Variants in KCNT2 observed in about 807,000 individuals in gnomAD.
KCNT2 encodes the protein potassium sodium-activated channel subfamily T member 2.
Under a neutral mutation model 153.8 loss-of-function variants are expected in KCNT2, and 67 were observed. The ratio of observed to expected loss-of-function variants is 0.44; its 90% CI spans 0.36 to 0.53. The LOEUF (loss-of-function observed/expected upper bound fraction) is 0.53. KCNT2 is among the 20% of genes least tolerant of loss of function. The probability of loss-of-function intolerance (pLI) is 0.00; values close to 1 mark genes in which losing one functional copy is unlikely to be tolerated. For missense variants in KCNT2, 975 were observed against 1,354.8 expected (o/e 0.72, Z 4.40); for synonymous variants, 500 against 458.8 (o/e 1.09, Z -1.15).
intron 13 of KCNT2, among the ~76,000 whole-genome samples, chr1:196,390,928 G>C (rs572067762): frequency 2.8e-5 from 4 of 142,542 alleles, no homozygotes; most frequent in Non-Finnish European, 6.1e-5. Flanking sequence ...CATATGTTAG[G>C]AGACTCTTTT....
At chr1:196,278,967 C>T (rs946055813) in intron 25 of KCNT2, among the ~76,000 whole-genome samples, 4 of 152,158 alleles carry the variant, frequency 2.6e-5, no homozygotes, top group African/African-American at 9.7e-5. Context: ...CCTTCCCTTT[C>T]CACCAGATGA....
chr1:196,361,888 A>C (rs1417702308), intron 14 of KCNT2, among the ~76,000 whole-genome samples: 1 of 142,856 alleles, frequency 7.0e-6, no homozygotes, highest in Non-Finnish European at 1.5e-5. Context: ...TTAAGACTTT[A>C]AATTGTGTGT....
intron 26 of KCNT2, among the ~76,000 whole-genome samples, chr1:196,242,216 T>TAAAC (rs1655024156): frequency 6.6e-6 from 1 of 152,118 alleles, no homozygotes; most frequent in Non-Finnish European, 1.5e-5. Context: ...AGGAACATAG[T>TAAAC]GTACATTTAT....
At chr1:196,288,352 T>G (rs1181717884) in intron 22 of KCNT2, among the ~76,000 whole-genome samples, 1 of 152,022 alleles carries the variant, frequency 6.6e-6, no homozygotes, top group African/African-American at 2.4e-5. Context: ...GTTGAGATTG[T>G]CTAAGAAATA....
chr1:196,580,467 C>T (rs943828308), intron 1 of KCNT2, among the ~76,000 whole-genome samples: 1 of 152,110 alleles, frequency 6.6e-6, no homozygotes, highest in Non-Finnish European at 1.5e-5. Context: ...CTGAGAAAGG[C>T]TTTATAGTTC....
intron 26 of KCNT2, among the ~76,000 whole-genome samples, chr1:196,243,957 C>T (rs139179745): frequency 6.6e-5 from 10 of 151,780 alleles, no homozygotes; most frequent in South Asian, 2.1e-4. Flanking sequence ...CTTGAGGGGA[C>T]GAAAGAGTAA....
intron 8 of KCNT2, among the ~76,000 whole-genome samples, chr1:196,455,052 G>A (rs1676540736): frequency 6.6e-6 from 1 of 152,010 alleles, no homozygotes; most frequent in African/African-American, 2.4e-5. Flanking sequence ...TCCCTGGCAT[G>A]TGGTCTTCTT....
At chr1:196,419,045 TTCAC>T (rs1378034670) in intron 12 of KCNT2, among the ~76,000 whole-genome samples, 2 of 152,096 alleles carry the variant, frequency 1.3e-5, no homozygotes, top group African/African-American at 4.8e-5. Context: ...CTACTTCTCC[TTCAC>T]TCACTCCTTG....
intron 12 of KCNT2, among the ~76,000 whole-genome samples, chr1:196,417,089 A>G (rs1341539037): frequency 6.6e-6 from 1 of 152,094 alleles, no homozygotes; most frequent in Non-Finnish European, 1.5e-5. Flanking sequence ...ATTTTTTTTA[A>G]AACAATATGA....
At chr1:196,417,423 C>T (rs1672843655) in intron 12 of KCNT2, among the ~76,000 whole-genome samples, 1 of 152,006 alleles carries the variant, frequency 6.6e-6, no homozygotes, top group Non-Finnish European at 1.5e-5. Context: ...AGACAAGTTC[C>T]ATAACATATA....
At chr1:196,575,293 A>C (rs566195859) in intron 1 of KCNT2, among the ~76,000 whole-genome samples, 1 of 152,256 alleles carries the variant, frequency 6.6e-6, no homozygotes, top group African/African-American at 2.4e-5. Context: ...CATTTGAATA[A>C]TTCAATGGTA....
At chr1:196,430,394 CTCTCTCTCTCTCTTTCTCTCTCTCTT>C (rs1674041300) in intron 8 of KCNT2, among the ~76,000 whole-genome samples, 2 of 149,050 alleles carry the variant, frequency 1.3e-5, no homozygotes, top group African/African-American at 5.1e-5. Flanking sequence ...CTCTCTCTCT[CTCTCTCTCTCTCTTTCTCTCTCTCTT>C]TCTCTCTCTC....
intron 19 of KCNT2, among the ~76,000 whole-genome samples, chr1:196,325,756 A>T (rs150692655): frequency 2.0e-5 from 3 of 152,272 alleles, no homozygotes; most frequent in Non-Finnish European, 2.9e-5. Flanking sequence ...TGAAAATTCT[A>T]CAAGTGTGAT....
At chr1:196,431,882 G>A (rs1433034023) in intron 8 of KCNT2, among the ~76,000 whole-genome samples, 1 of 152,098 alleles carries the variant, frequency 6.6e-6, no homozygotes. Context: ...ATGTGATAAG[G>A]AGACTCTTGT....
intron 14 of KCNT2, among the ~76,000 whole-genome samples, chr1:196,350,080 C>G (rs555000963): frequency 6.6e-6 from 1 of 152,228 alleles, no homozygotes; most frequent in African/African-American, 2.4e-5. Context: ...TGTATATGTG[C>G]CACATTTTCT....
At chr1:196,291,046 A>G (rs950822737) in intron 22 of KCNT2, among the ~76,000 whole-genome samples, 1 of 152,124 alleles carries the variant, frequency 6.6e-6, no homozygotes, top group African/African-American at 2.4e-5. Context: ...CCAGCAGACT[A>G]TTAGTAAGTC....
chr1:196,496,460 T>A (rs1680265717), intron 1 of KCNT2, among the ~76,000 whole-genome samples: 1 of 145,824 alleles, frequency 6.9e-6, no homozygotes. Context: ...AGAGCAAGAC[T>A]CTGTCTCAAA....
intron 20 of KCNT2, among the ~76,000 whole-genome samples, chr1:196,318,325 G>T (rs899283871): frequency 3.3e-5 from 5 of 151,678 alleles, no homozygotes; most frequent in African/African-American, 9.7e-5. Flanking sequence ...GAGGAGAATT[G>T]TTAGATGAAC....
intron 1 of KCNT2, among the ~76,000 whole-genome samples, chr1:196,556,966 T>C (rs1411802704): frequency 6.6e-6 from 1 of 151,144 alleles, no homozygotes; most frequent in Non-Finnish European, 1.5e-5. Context: ...AATGGAAGGA[T>C]GGTTACTGGA....
Sources: gnomAD v4.1 joint callset for allele counts (sites outside exome capture counted in the v4.1 genomes callset) on GRCh38, gnomAD v4.1.1 for gene constraint, MANE v1.5 for transcripts, NCBI Gene and HGNC (gene_info 2026-07-23, HGNC 2026-07-21) for gene names.